The following MBNL1 variants were observed in gnomAD, a reference collection of about 807,000 sequenced individuals.
MBNL1 encodes muscleblind like splicing regulator 1, also known as muscleblind-like protein 1.
A neutral mutation model predicts 42.2 loss-of-function variants in MBNL1; 8 were observed. That is an observed-to-expected ratio of 0.19 (90% CI 0.11 to 0.34). The LOEUF (loss-of-function observed/expected upper bound fraction) is 0.34. Ranked by LOEUF, MBNL1 falls within the 10% of genes least tolerant of loss-of-function variation. The pLI is 1.00. For synonymous variants in MBNL1, 169 were observed against 173.9 expected (o/e 0.97, Z 0.22); for missense variants, 309 against 495.3 (o/e 0.62, Z 3.57).
intron 3 of MBNL1, among the ~76,000 whole-genome samples, chr3:152,430,741 C>G (rs41477945): frequency 0.056 from 8,599 of 152,198 alleles, 801 homozygotes; most frequent in African/African-American, 0.2. Context: ...TGTTGGTGGA[C>G]AGAGAATGCC....
chr3:152,356,855 T>G (rs1354151518), intron 2 of MBNL1, among the ~76,000 whole-genome samples: 1 of 57,004 alleles, frequency 1.8e-5, no homozygotes, highest in Non-Finnish European at 3.7e-5. Context: ...CATATGTGTG[T>G]AGTGTGTGTG....
At chr3:152,331,468 A>G (rs1174804252) in intron 2 of MBNL1, among the ~76,000 whole-genome samples, 1 of 152,208 alleles carries the variant, frequency 6.6e-6, no homozygotes, top group Non-Finnish European at 1.5e-5. Flanking sequence ...CAGATGACTT[A>G]GTATTAAAGA....
rs911416806 is a variant in MBNL1 at position 152,244,165 on chromosome 3, T to C, written n.213+125T>C. 4 of 152,228 alleles carry C rather than the reference T, an allele frequency of 2.6e-5. No homozygotes were observed. The East Asian group carries it at 7.7e-4, about 29-fold the overall frequency. 9.4% of individuals were successfully genotyped at this position (152,228 alleles called of 1,614,324 possible). On this transcript the variant is annotated intron_variant and non_coding_transcript_variant, in intron 1 of 2. Transcript: ENST00000477171. The stretch of plus-strand genomic sequence containing the variant: ...TTGCTTACACATATAAACATGCATA[T>C]ACTTTAATTATATATGTGTACAGGC...
intron 2 of MBNL1, among the ~76,000 whole-genome samples, chr3:152,412,072 A>C (rs1015187240): frequency 1.3e-5 from 2 of 152,186 alleles, no homozygotes; most frequent in Non-Finnish European, 2.9e-5. Flanking sequence ...ACATACCAAC[A>C]TAGTATTTAC....
At chr3:152,434,347 C>T (rs1243039832) in intron 4 of MBNL1, among the ~76,000 whole-genome samples, 2 of 152,164 alleles carry the variant, frequency 1.3e-5, no homozygotes, top group East Asian at 3.9e-4. Flanking sequence ...GGATAATGGC[C>T]TCCAGCTCAA....
chr3:152,438,052 G>A (rs1199071998), intron 4 of MBNL1, among the ~76,000 whole-genome samples: 6 of 152,172 alleles, frequency 3.9e-5, no homozygotes. Context: ...GTCTAGGAAA[G>A]ACTGAGTGTT....
Position 152,299,840 on chromosome 3 carries a change from T to C in MBNL1, c.-354T>C. On this transcript the variant is annotated 5_prime_UTR_variant, in exon 2 of 10. Coordinates refer to ENST00000324210, the MANE Select transcript of MBNL1 (RefSeq NM_021038.5). ...TCGGTGTCGAAGGGTCTGCCACGTT[T>C]TCATGCTTGCATTTTGGGCTCCAAA... 3 of 405,856 alleles carry C rather than the reference T, an allele frequency of 7.4e-6. No individual in the cohort carries two copies. Among genetic ancestry groups the C allele is most frequent in the Non-Finnish European group, 8.7e-6 (2 of 230,592 alleles). 25.1% of individuals were successfully genotyped at this position (405,856 alleles called of 1,614,324 possible).
chr3:152,313,961 A>G (rs2068745451), intron 2 of MBNL1, among the ~76,000 whole-genome samples: 1 of 152,246 alleles, frequency 6.6e-6, no homozygotes, highest in African/African-American at 2.4e-5. Context: ...GCCATCTGTT[A>G]GCAAATCTAA....
At chr3:152,421,762 G>C (rs536404322) in intron 3 of MBNL1, among the ~76,000 whole-genome samples, 2 of 152,266 alleles carry the variant, frequency 1.3e-5, no homozygotes, top group South Asian at 4.1e-4. Flanking sequence ...AGCCAGAAGA[G>C]AGTGAGGGCC....
chr3:152,304,749 G>A (rs1349678475), intron 2 of MBNL1, among the ~76,000 whole-genome samples: 1 of 152,166 alleles, frequency 6.6e-6, no homozygotes, highest in Admixed American at 6.5e-5. Context: ...AGAATATCCT[G>A]TGAATATGCT....
At chr3:152,282,682 G>A (rs1406229912) in intron 1 of MBNL1, among the ~76,000 whole-genome samples, 2 of 151,674 alleles carry the variant, frequency 1.3e-5, no homozygotes, top group South Asian at 2.1e-4. Flanking sequence ...ATTATTTATA[G>A]ATGCCAGTAA....
intron 6 of MBNL1, among the ~76,000 whole-genome samples, chr3:152,451,332 T>C (rs1722547451): frequency 6.6e-6 from 1 of 152,180 alleles, no homozygotes; most frequent in Non-Finnish European, 1.5e-5. Flanking sequence ...AGAACAGAAT[T>C]GGATTTAATA....
At chr3:152,272,380 A>G (rs1431451521) in intron 1 of MBNL1, among the ~76,000 whole-genome samples, 3 of 152,140 alleles carry the variant, frequency 2.0e-5, no homozygotes, top group Non-Finnish European at 4.4e-5. Context: ...AATGAGTCTT[A>G]ACACCTCTCA....
intron 1 of MBNL1, among the ~76,000 whole-genome samples, chr3:152,297,204 A>G (rs551290680): frequency 1.3e-5 from 2 of 152,068 alleles, no homozygotes; most frequent in East Asian, 3.9e-4. Flanking sequence ...TTAATGCAGA[A>G]CAAAGTTTCA....
chr3:152,265,425 A>AGTGTGT (rs1350581745), upstream of MBNL1: 6 of 98,676 alleles, frequency 6.1e-5, no homozygotes, highest in African/African-American at 2.2e-4. Context: ...TGTGTGTGTC[A>AGTGTGT]GGAAAGACAA....
At chr3:152,278,849 C>T (rs990019539) in intron 1 of MBNL1, among the ~76,000 whole-genome samples, 1 of 151,956 alleles carries the variant, frequency 6.6e-6, no homozygotes, top group Non-Finnish European at 1.5e-5. Context: ...AGAGGGAGAT[C>T]GAAAGTATAA....
intron 2 of MBNL1, among the ~76,000 whole-genome samples, chr3:152,336,587 G>A (rs2090376990): frequency 6.6e-6 from 1 of 152,138 alleles, no homozygotes; most frequent in African/African-American, 2.4e-5. Context: ...TAAAATCCCA[G>A]TTCCCTCAAA....
chr3:152,272,531 ATACT>A (rs1298976186), intron 1 of MBNL1, among the ~76,000 whole-genome samples: 1 of 152,128 alleles, frequency 6.6e-6, no homozygotes, highest in Non-Finnish European at 1.5e-5. Context: ...TTATCTTCAA[ATACT>A]TAATATGTGT....
intron 2 of MBNL1, among the ~76,000 whole-genome samples, chr3:152,382,243 A>G (rs761950065): frequency 2.0e-5 from 3 of 152,118 alleles, no homozygotes; most frequent in Non-Finnish European, 4.4e-5. Flanking sequence ...GCTAAATGCC[A>G]CTCAGACAAT....
Sources: gnomAD v4.1 joint callset for allele counts (sites outside exome capture counted in the v4.1 genomes callset) on GRCh38, gnomAD v4.1.1 for gene constraint, MANE v1.5 for transcripts, NCBI Gene and HGNC (gene_info 2026-07-23, HGNC 2026-07-21) for gene names.